The following NKAIN2 variants were observed in gnomAD, a reference collection of about 807,000 sequenced individuals.
NKAIN2 encodes the protein sodium/potassium transporting ATPase interacting 2.
In NKAIN2, 14 loss-of-function variants were observed where a neutral mutation model predicts 32.6. The ratio of observed to expected loss-of-function variants is 0.43; its 90% confidence interval spans 0.28 to 0.67. The LOEUF is 0.67. Among genes scored for constraint, NKAIN2 ranks in the 30% least tolerant of loss-of-function variants. The pLI, the probability that NKAIN2 is intolerant of heterozygous loss-of-function variation, is 0.17. For missense variants in NKAIN2, 198 were observed against 258.3 expected (o/e 0.77, Z 1.60); for synonymous variants, 80 against 87.2 (o/e 0.92, Z 0.46).
intron 1 of NKAIN2, among the ~76,000 whole-genome samples, chr6:124,259,108 A>G (rs1794098452): frequency 6.6e-6 from 1 of 152,150 alleles, no homozygotes; most frequent in Admixed American, 6.5e-5. Flanking sequence ...GGCATCCATC[A>G]TTCCTGTCTG....
At position 124,721,138 on chromosome 6, in the gene NKAIN2, C is replaced by T. The variant is rs112586909; in HGVS notation, c.474+62752C>T. Reference sequence around the variant, plus strand: ...TGGCTTAGAAATATGAAACGTTGGCCGGGCGCGGTGGCTCACGCCTGTAAT... The same window carrying T: ...TGGCTTAGAAATATGAAACGTTGGCTGGGCGCGGTGGCTCACGCCTGTAAT... On this transcript the variant is annotated intron_variant, in intron 4 of 6. Coordinates refer to ENST00000368417, the MANE Select transcript of NKAIN2 (RefSeq NM_001040214.3). 2.2e-3 allele frequency among the ~76,000 whole-genome samples: 339 copies of T among 152,206 alleles called. 4 individuals are homozygous for T. Among genetic ancestry groups the T allele is most frequent in the African/African-American group, 7.6e-3 (316 of 41,544 alleles).
chr6:124,521,018 G>T (rs1156318337), intron 3 of NKAIN2, among the ~76,000 whole-genome samples: 2 of 152,148 alleles, frequency 1.3e-5, no homozygotes, highest in Non-Finnish European at 2.9e-5. Context: ...ATTTCTAGTA[G>T]CTTTTTTGTT....
At chr6:124,667,354 G>A (rs1306387434) in intron 4 of NKAIN2, among the ~76,000 whole-genome samples, 1 of 151,994 alleles carries the variant, frequency 6.6e-6, no homozygotes, top group Non-Finnish European at 1.5e-5. Context: ...ACAATGTTGT[G>A]CAATAAACAA....
At chr6:124,411,302 T>G (rs1774167104) in intron 3 of NKAIN2, among the ~76,000 whole-genome samples, 1 of 152,038 alleles carries the variant, frequency 6.6e-6, no homozygotes, top group Non-Finnish European at 1.5e-5. Context: ...TTTGGCATGT[T>G]TTTGCAGTGG....
chr6:124,627,062 A>ATGT (rs1432074891), intron 3 of NKAIN2, among the ~76,000 whole-genome samples: 1 of 152,130 alleles, frequency 6.6e-6, no homozygotes, highest in Non-Finnish European at 1.5e-5. Flanking sequence ...TTGAGTCCAG[A>ATGT]TGTTGGAGAC....
chr6:123,879,286 C>A (rs1773333494), intron 1 of NKAIN2, among the ~76,000 whole-genome samples: 1 of 151,976 alleles, frequency 6.6e-6, no homozygotes, highest in South Asian at 2.1e-4. Context: ...TCAGATGTGT[C>A]TATTTATGTA....
intron 1 of NKAIN2, among the ~76,000 whole-genome samples, chr6:123,814,873 C>G (rs896181139): frequency 2.0e-5 from 3 of 152,178 alleles, no homozygotes; most frequent in African/African-American, 7.2e-5. Flanking sequence ...GCCGAAGACC[C>G]TGGAAAACAT....
At chr6:124,684,117 G>A (rs1255433725) in intron 4 of NKAIN2, among the ~76,000 whole-genome samples, 1 of 151,982 alleles carries the variant, frequency 6.6e-6, no homozygotes, top group Non-Finnish European at 1.5e-5. Flanking sequence ...ACAGTTTTAG[G>A]CATGTACCAA....
chr6:124,312,906 A>C (rs1314792891), intron 2 of NKAIN2, among the ~76,000 whole-genome samples: 2 of 151,852 alleles, frequency 1.3e-5, no homozygotes, highest in African/African-American at 4.8e-5. Flanking sequence ...GCTCCAAGAC[A>C]GAAAAGCGGG....
chr6:124,641,279 A>G (rs1783975024), intron 3 of NKAIN2, among the ~76,000 whole-genome samples: 1 of 152,140 alleles, frequency 6.6e-6, no homozygotes, highest in Admixed American at 6.6e-5. Flanking sequence ...TTGTAGCAAT[A>G]CTCAGAATGC....
At position 124,360,440 on chromosome 6, in the gene NKAIN2, T is replaced by A. The variant is rs145638018; in HGVS notation, c.273+5093T>A. 4.3e-3 allele frequency among the ~76,000 whole-genome samples: 653 copies of A among 152,276 alleles called. 7 individuals carry two copies. The highest frequency in any genetic ancestry group is 0.015 in the African/African-American group (615 of 41,572). On this transcript the variant is annotated intron_variant, in intron 3 of 6. Coordinates refer to ENST00000368417, the MANE Select transcript of NKAIN2 (RefSeq NM_001040214.3). ...ACATTCATATTGAAATGACTTAATT[T>A]CAATAATATGATACACAGGACTAAC...
At chr6:124,717,914 G>C (rs754418517) in intron 4 of NKAIN2, among the ~76,000 whole-genome samples, 5 of 152,148 alleles carry the variant, frequency 3.3e-5, no homozygotes, top group Non-Finnish European at 5.9e-5. Context: ...TGCTATTCTG[G>C]AGGAGGTGTT....
chr6:124,668,539 G>A (rs900399436), intron 4 of NKAIN2, among the ~76,000 whole-genome samples: 4 of 152,126 alleles, frequency 2.6e-5, no homozygotes, highest in African/African-American at 9.6e-5. Flanking sequence ...GAGAATAATA[G>A]CAGGTTCTAT....
intron 1 of NKAIN2, among the ~76,000 whole-genome samples, chr6:124,180,204 A>C (rs940343494): frequency 1.3e-5 from 2 of 152,158 alleles, no homozygotes; most frequent in African/African-American, 2.4e-5. Flanking sequence ...TCATGCTGCC[A>C]ATAAAGACTT....
At chr6:124,789,545 T>C (rs1467370212) in intron 4 of NKAIN2, among the ~76,000 whole-genome samples, 2 of 151,840 alleles carry the variant, frequency 1.3e-5, no homozygotes, top group African/African-American at 4.8e-5. Flanking sequence ...TTTTCATGGG[T>C]CCTGGTGGAT....
chr6:123,924,105 T>G (rs1582787867), intron 1 of NKAIN2, among the ~76,000 whole-genome samples: 1 of 152,284 alleles, frequency 6.6e-6, no homozygotes, highest in Non-Finnish European at 1.5e-5. Context: ...AATTTAAAAT[T>G]TTATTGTCAA....
chr6:124,503,656 G>C (rs626967), intron 3 of NKAIN2, among the ~76,000 whole-genome samples: 5 of 151,942 alleles, frequency 3.3e-5, no homozygotes, highest in African/African-American at 1.2e-4. Flanking sequence ...TCAATAGGCA[G>C]ATATTTACCA....
chr6:124,005,011 G>A (rs1780020168), intron 1 of NKAIN2, among the ~76,000 whole-genome samples: 1 of 151,990 alleles, frequency 6.6e-6, no homozygotes, highest in Non-Finnish European at 1.5e-5. Flanking sequence ...ACTCACTTGA[G>A]TTCAGGAGTT....
At chr6:124,819,690 C>A (rs2114880981) in intron 6 of NKAIN2, among the ~76,000 whole-genome samples, 1 of 152,264 alleles carries the variant, frequency 6.6e-6, no homozygotes, top group Middle Eastern at 3.4e-3. Flanking sequence ...CACTTCCCTA[C>A]TTCAAAGCTA....
Sources: allele counts gnomAD v4.1 joint callset (sites outside exome capture counted in the v4.1 genomes callset), GRCh38; gene constraint gnomAD v4.1.1; transcripts MANE v1.5; gene names NCBI Gene and HGNC (gene_info 2026-07-23, HGNC 2026-07-21).